Variants in SYNE2 observed in about 807,000 individuals in gnomAD.
SYNE2 encodes the protein nesprin-2.
Under a neutral mutation model 856.3 loss-of-function variants are expected in SYNE2, and 431 were observed. The ratio of observed to expected loss-of-function variants is 0.50; its 90% CI spans 0.47 to 0.55. The LOEUF is 0.55. SYNE2 is among the 20% of genes least tolerant of loss of function. SYNE2 has a pLI of 0.00. For missense variants in SYNE2, 8,129 were observed against 8,023.2 expected (o/e 1.01, Z -0.50); for synonymous variants, 2,923 against 2,872.3 (o/e 1.02, Z -0.56).
intron 45 of SYNE2, among the ~76,000 whole-genome samples, chr14:64,038,597 CGG>C: frequency 6.6e-6 from 1 of 152,312 alleles, no homozygotes; most frequent in South Asian, 2.1e-4. Context: ...CCCGGCACCT[CGG>C]GAGGCCGAGG....
At chr14:64,019,457 G>C (rs2096920001) in intron 34 of SYNE2, among the ~76,000 whole-genome samples, 1 of 152,108 alleles carries the variant, frequency 6.6e-6, no homozygotes, top group South Asian at 2.1e-4. Context: ...TTTTTGAACT[G>C]TTTGGAGATT....
At chr14:63,844,649 T>A (rs1394770014) in intron 1 of SYNE2, among the ~76,000 whole-genome samples, 1 of 152,216 alleles carries the variant, frequency 6.6e-6, no homozygotes, top group African/African-American at 2.4e-5. Context: ...GTTTATAGAC[T>A]TTTTTGTACA....
At chr14:64,038,313 C>G (rs1397709727) in intron 45 of SYNE2, among the ~76,000 whole-genome samples, 1 of 152,114 alleles carries the variant, frequency 6.6e-6, no homozygotes, top group African/African-American at 2.4e-5. Flanking sequence ...TCCTCACTTC[C>G]TAGATGAGAT....
At chr14:63,791,788 C>CA (rs1464530165) in intron 1 of SYNE2, among the ~76,000 whole-genome samples, 1 of 151,554 alleles carries the variant, frequency 6.6e-6, no homozygotes, top group Non-Finnish European at 1.5e-5. Context: ...CTAAAAAATA[C>CA]AAAAAAATTA....
At chr14:64,071,486 T>G (rs1360150655) in intron 52 of SYNE2, among the ~76,000 whole-genome samples, 5 of 151,724 alleles carry the variant, frequency 3.3e-5, no homozygotes, top group African/African-American at 9.7e-5. Context: ...AGAGTGAGAC[T>G]CTGTCTCAAA....
chr14:63,822,958 G>A (rs1268806235), intron 1 of SYNE2, among the ~76,000 whole-genome samples: 1 of 151,988 alleles, frequency 6.6e-6, no homozygotes, highest in Non-Finnish European at 1.5e-5. Flanking sequence ...TTAAAAATTA[G>A]CTGGACATGG....
At chr14:64,214,934 C>G (rs1013848484) in intron 106 of SYNE2, among the ~76,000 whole-genome samples, 7 of 152,256 alleles carry the variant, frequency 4.6e-5, no homozygotes, top group African/African-American at 1.4e-4. Flanking sequence ...GAAACAAGGT[C>G]TTGCTATGTT....
intron 1 of SYNE2, among the ~76,000 whole-genome samples, chr14:63,876,021 A>G (rs1267953727): frequency 6.6e-6 from 1 of 151,374 alleles, no homozygotes; most frequent in Non-Finnish European, 1.5e-5. Context: ...TCTGTGGACC[A>G]GGATCACCCC....
Position 64,138,917 on chromosome 14 carries a change from TGTGTGTGTGTGTGTGTGTGTGTATGTATG to T in SYNE2, c.14843+957_14844-973del, listed in dbSNP as rs1377891741. ...ACAGCTTATACAAATGCTGGTTGTG[TGTGTGTGTGTGTGTGTGTGTGTATGTATG>T]GTGTGTGTGTGTGTGTGTGTGTGTG... On this transcript the variant is annotated intron_variant, in intron 79 of 115. Coordinates refer to ENST00000555002, the MANE Select transcript of SYNE2 (RefSeq NM_182914.3). 1.1e-3 allele frequency among the ~76,000 whole-genome samples: 154 copies of T among 143,496 alleles called. 3 individuals carry two copies. Among genetic ancestry groups the T allele is most frequent in the Middle Eastern group, 3.7e-3 (1 of 272 alleles). The allele number at this position is 143,496 out of a possible 152,430, so 94.1% of individuals were successfully genotyped here.
chr14:63,795,494 T>G (rs1887887662), intron 1 of SYNE2, among the ~76,000 whole-genome samples: 1 of 152,096 alleles, frequency 6.6e-6, no homozygotes. Flanking sequence ...TAGTTAATAC[T>G]TAATAAACTC....
At chr14:64,043,562 C>T (rs531256405) in intron 45 of SYNE2, among the ~76,000 whole-genome samples, 9 of 152,266 alleles carry the variant, frequency 5.9e-5, no homozygotes, top group East Asian at 1.9e-4. Flanking sequence ...GTCTAGCGAC[C>T]GAGTGCCCTG....
chr14:64,014,928 CTTATATATATATATAT>C (rs1446744090), intron 32 of SYNE2, among the ~76,000 whole-genome samples: 1 of 51,848 alleles, frequency 1.9e-5, no homozygotes, highest in Non-Finnish European at 3.9e-5. Flanking sequence ...TGTATAATTC[CTTATATATATATATAT>C]ATATATATAT....
chr14:63,895,185 A>C (rs1423537049), intron 1 of SYNE2, among the ~76,000 whole-genome samples: 1 of 150,278 alleles, frequency 6.7e-6, no homozygotes, highest in Non-Finnish European at 1.5e-5. Flanking sequence ...GCTCACTGCA[A>C]CCTCCGCCTC....
intron 11 of SYNE2, among the ~76,000 whole-genome samples, chr14:63,969,401 T>G (rs992655116): frequency 7.4e-6 from 1 of 134,932 alleles, no homozygotes; most frequent in Non-Finnish European, 1.5e-5. Context: ...AGTGCAGGGG[T>G]GCAATCTCGG....
chr14:64,170,364 T>G lies in SYNE2; in HGVS notation c.17137T>G (p.Phe5713Val). 1 of 1,614,150 alleles carries G rather than the reference T, an allele frequency of 6.2e-7. No individual in the cohort carries two copies. The highest frequency in any genetic ancestry group is 1.3e-5 in the African/African-American group (1 of 75,016). Reference sequence around the variant, plus strand: ...TTTCACTACTTCTGTGGAGAACTTGTTTCGCTTCCTCACTGACACCAGCCA... The same window carrying G: ...TTTCACTACTTCTGTGGAGAACTTGGTTCGCTTCCTCACTGACACCAGCCA... Reference protein sequence around the residue: ...QDFTTSVENLFRFLTDTSHLL... With the variant: ...QDFTTSVENLVRFLTDTSHLL... Residue 5713 changes from phenylalanine to valine, a missense_variant, in exon 94 of 116, where the codon TTT becomes GTT. Physicochemically the swap from Phe to Val is conservative, Grantham distance 50. Around this residue, in one of 3 missense-constraint regions of SYNE2, gnomAD observed 5,410 missense variants for 5,284.8 expected, o/e 1.02. Transcript: ENST00000555002.
At chr14:64,213,232 C>T (rs1011265789) in intron 105 of SYNE2, among the ~76,000 whole-genome samples, 5 of 152,204 alleles carry the variant, frequency 3.3e-5, no homozygotes, top group South Asian at 2.1e-4. Context: ...ACTTCTGAGG[C>T]GCATGCTCCA....
At chr14:63,771,504 C>T (rs1300364098) in intron 1 of SYNE2, among the ~76,000 whole-genome samples, 1 of 152,210 alleles carries the variant, frequency 6.6e-6, no homozygotes, top group African/African-American at 2.4e-5. Context: ...GAAACTTTGG[C>T]ACAAACACCA....
At chr14:63,949,158 G>T (rs1025322694) in intron 6 of SYNE2, among the ~76,000 whole-genome samples, 1 of 151,826 alleles carries the variant, frequency 6.6e-6, no homozygotes, top group African/African-American at 2.4e-5. Flanking sequence ...AATGTTTTGG[G>T]TAGATACCAT....
Position 64,056,438 on chromosome 14 carries a change from A to G in SYNE2, c.10067+172A>G, listed in dbSNP as rs7152921. On this transcript the variant is annotated intron_variant, in intron 49 of 115. Transcript: ENST00000555002. Reference sequence around the variant, plus strand: ...TATGGTTAAGTAGAAAAAAATTACAATGTAAAGAAAACTCTGGTAAATATT... The same window carrying G: ...TATGGTTAAGTAGAAAAAAATTACAGTGTAAAGAAAACTCTGGTAAATATT... Among the ~76,000 whole-genome samples, 6,225 of 151,978 alleles carry G rather than the reference A, an allele frequency of 0.041. 445 individuals carry two copies. The highest frequency in any genetic ancestry group is 0.14 in the African/African-American group (5,881 of 41,476).
Sources: allele counts gnomAD v4.1 joint callset (sites outside exome capture counted in the v4.1 genomes callset), GRCh38; gene constraint gnomAD v4.1.1; regional missense constraint gnomAD v4.1.1; transcripts MANE v1.5; gene names NCBI Gene and HGNC (gene_info 2026-07-23, HGNC 2026-07-21).